Variants in LAMA4 observed in about 807,000 individuals in gnomAD.
LAMA4 encodes laminin subunit alpha-4.
LAMA4 carries 127 observed loss-of-function variants against 207.1 expected under a neutral mutation model. The ratio of observed to expected loss-of-function variants is 0.61; its 90% CI spans 0.53 to 0.71. The LOEUF (loss-of-function observed/expected upper bound fraction) is 0.71. Ranked by LOEUF, LAMA4 falls within the 30% of genes least tolerant of loss-of-function variation. The pLI is 0.00. For missense variants in LAMA4, 2,093 were observed against 2,246.5 expected (o/e 0.93, Z 1.38); for synonymous variants, 761 against 816.0 (o/e 0.93, Z 1.15).
intron 5 of LAMA4, among the ~76,000 whole-genome samples, chr6:112,192,500 G>A (rs1783177788): frequency 6.6e-6 from 1 of 152,218 alleles, no homozygotes; most frequent in Non-Finnish European, 1.5e-5. Flanking sequence ...GCAGAGCTGA[G>A]AGTACCACAG....
chr6:112,127,494 T>A (rs782415728), intron 31 of LAMA4, among the ~76,000 whole-genome samples: 1 of 151,854 alleles, frequency 6.6e-6, no homozygotes, highest in Non-Finnish European at 1.5e-5. Flanking sequence ...CTAGGAATAG[T>A]TGGGAGGCCA....
intron 8 of LAMA4, among the ~76,000 whole-genome samples, 162 bp from the exon 9 acceptor site, chr6:112,185,509 T>A (rs1188107160): frequency 6.6e-6 from 1 of 151,854 alleles, no homozygotes; most frequent in East Asian, 1.9e-4. Flanking sequence ...AAGGGTGGGG[T>A]CTGCAGAGGG....
intron 31 of LAMA4, among the ~76,000 whole-genome samples, chr6:112,122,798 TATTTA>T (rs1307655114): frequency 2.0e-5 from 3 of 152,246 alleles, no homozygotes; most frequent in Admixed American, 6.5e-5. Flanking sequence ...TATAGGCTAA[TATTTA>T]ATTATTATTT....
At chr6:112,223,237 T>C (rs1310482046) in intron 2 of LAMA4, among the ~76,000 whole-genome samples, 1 of 152,122 alleles carries the variant, frequency 6.6e-6, no homozygotes, top group East Asian at 1.9e-4. Flanking sequence ...CTGGGGCAAA[T>C]GCCTTGGACA....
intron 4 of LAMA4, among the ~76,000 whole-genome samples, chr6:112,203,697 A>G (rs1312557655): frequency 2.0e-5 from 3 of 152,214 alleles, no homozygotes; most frequent in Non-Finnish European, 4.4e-5. Context: ...GTCACTACAG[A>G]GAAAAATCTG....
Position 112,216,484 on chromosome 6 carries a change from C to G in LAMA4, c.196-15G>C, listed in dbSNP as rs371906362. Reference sequence around the variant, plus strand: ...GCATTGCATTTCTGCAACAGACACACCAAACCATTTTGATTATTGAAAAGA... The same window carrying G: ...GCATTGCATTTCTGCAACAGACACAGCAAACCATTTTGATTATTGAAAAGA... On this transcript the variant is annotated splice_polypyrimidine_tract_variant and intron_variant, in intron 2 of 38. Transcript: ENST00000230538. 1,452 of 1,543,742 alleles carry G rather than the reference C, an allele frequency of 9.4e-4. 2 individuals carry two copies. The highest frequency in any genetic ancestry group is 1.2e-3 in the Non-Finnish European group (1,379 of 1,116,042).
intron 7 of LAMA4, among the ~76,000 whole-genome samples, chr6:112,187,862 G>A (rs1347730446): frequency 1.3e-5 from 2 of 152,076 alleles, no homozygotes; most frequent in African/African-American, 4.8e-5. Context: ...CCCACCCCAG[G>A]GAGGGCACAG....
intron 17 of LAMA4, among the ~76,000 whole-genome samples, chr6:112,150,170 C>A (rs1375640455): frequency 6.6e-6 from 1 of 150,402 alleles, no homozygotes; most frequent in African/African-American, 2.5e-5. Context: ...AAGCCATTAC[C>A]AAACACTATA....
Position 112,166,359 on chromosome 6 carries a change from C to G in LAMA4, c.1552-1083G>C, listed in dbSNP as rs74942709. 14 of 152,256 alleles carry G rather than the reference C, an allele frequency of 9.2e-5. 1 individual carries two copies. The East Asian group carries it at 2.5e-3, about 27-fold the overall frequency. 9.4% of individuals were successfully genotyped at this position (152,256 alleles called of 1,614,324 possible). On this transcript the variant is annotated intron_variant, in intron 12 of 38. Transcript: ENST00000230538. ...CAATTTTCCCTGAATATCCATCAAGCCTAATACAGTGTGACTATCTGAGAT... is the reference window on the plus strand; with the variant it reads ...CAATTTTCCCTGAATATCCATCAAGGCTAATACAGTGTGACTATCTGAGAT...
chr6:112,203,167 T>C (rs1783857030), intron 4 of LAMA4, among the ~76,000 whole-genome samples: 1 of 152,182 alleles, frequency 6.6e-6, no homozygotes, highest in African/African-American at 2.4e-5. Context: ...TGGTTTTGGC[T>C]AGGGAAGTGA....
intron 5 of LAMA4, among the ~76,000 whole-genome samples, chr6:112,199,235 C>G (rs1783594436): frequency 6.6e-6 from 1 of 152,150 alleles, no homozygotes; most frequent in Non-Finnish European, 1.5e-5. Context: ...TCTCTGCACC[C>G]CTGTGTGATT....
chr6:112,145,873 A>G (rs548998376), intron 18 of LAMA4, among the ~76,000 whole-genome samples: 1 of 152,322 alleles, frequency 6.6e-6, no homozygotes, highest in African/African-American at 2.4e-5. Context: ...TTCTGCTTGC[A>G]TTTCTAATAT....
At chr6:112,190,956 C>CT (rs1554348755) in intron 6 of LAMA4, among the ~76,000 whole-genome samples, 2 of 100,396 alleles carry the variant, frequency 2.0e-5, no homozygotes, top group Non-Finnish European at 2.1e-5. Context: ...TCCTTTCTTT[C>CT]TTTCTTTCTT....
chr6:112,252,986 T>A (rs1423532477), intron 2 of LAMA4, among the ~76,000 whole-genome samples: 2 of 152,226 alleles, frequency 1.3e-5, no homozygotes, highest in Non-Finnish European at 1.5e-5. Flanking sequence ...AATTAATAAC[T>A]ATAATTGTAC....
intron 13 of LAMA4, among the ~76,000 whole-genome samples, chr6:112,164,579 G>T (rs1451495511): frequency 6.6e-6 from 1 of 152,188 alleles, no homozygotes; most frequent in African/African-American, 2.4e-5. Context: ...AAGACAGTTT[G>T]GTGCTGAAAT....
chr6:112,162,601 G>A (rs1306754660), intron 13 of LAMA4, among the ~76,000 whole-genome samples: 1 of 152,138 alleles, frequency 6.6e-6, no homozygotes, highest in Non-Finnish European at 1.5e-5. Context: ...ATTGGGTTGT[G>A]CCATTTATTG....
chr6:112,168,197 CAAA>C (rs540870021), intron 12 of LAMA4, among the ~76,000 whole-genome samples: 2 of 65,200 alleles, frequency 3.1e-5, no homozygotes, highest in African/African-American at 5.2e-5. Flanking sequence ...GACTCCGTCT[CAAA>C]AAAAAAAAAA....
chr6:112,147,382 GACA>G (rs1780092620), intron 18 of LAMA4, among the ~76,000 whole-genome samples: 1 of 152,168 alleles, frequency 6.6e-6, no homozygotes, highest in Admixed American at 6.5e-5. Flanking sequence ...AATTTGTACT[GACA>G]GATCATATAT....
In LAMA4 at chr6:112,223,406, C is replaced by G. The variant is rs558480974; in HGVS notation, c.196-6937G>C. Among the ~76,000 whole-genome samples, 33 of 152,318 alleles carry G rather than the reference C, an allele frequency of 2.2e-4. No homozygotes were observed. The South Asian group carries it at 5.2e-3, about 24-fold the overall frequency. On this transcript the variant is annotated intron_variant, in intron 2 of 38. Coordinates refer to ENST00000230538, the MANE Select transcript of LAMA4 (RefSeq NM_001105206.3). ...GTGAGGTGAAAGACATCTCTGTCAT[C>G]TTCATCTGGTTTTTATAAATCACAG...
Sources: gnomAD v4.1 joint callset for allele counts (sites outside exome capture counted in the v4.1 genomes callset) on GRCh38, gnomAD v4.1.1 for gene constraint, MANE v1.5 for transcripts, NCBI Gene and HGNC (gene_info 2026-07-23, HGNC 2026-07-21) for gene names.